ZNF224: variants seen among roughly 807,000 people sequenced by gnomAD.
ZNF224 encodes bone marrow zinc finger 2.
Under a neutral mutation model 10.5 loss-of-function variants are expected in ZNF224, and 8 were observed. The observed-to-expected ratio is 0.76, with a 90% CI of 0.45 to 1.37. The LOEUF (loss-of-function observed/expected upper bound fraction) is 1.37, where lower values mean the gene tolerates loss of function less well. Ranked by LOEUF, ZNF224 falls within the 40% of genes most tolerant of loss-of-function variation. ZNF224 has a pLI of 0.00. For missense variants in ZNF224, 754 were observed against 854.0 expected, an observed-to-expected ratio of 0.88 and a Z score of 1.46; for synonymous variants, 282 against 287.8, an observed-to-expected ratio of 0.98 and a Z score of 0.20.
chr19:44,102,566 T>A (rs2147528244), intron 5 of ZNF224, among the ~76,000 whole-genome samples: 1 of 152,342 alleles, frequency 6.6e-6, no homozygotes, highest in African/African-American at 2.4e-5. Context: ...GAACATGTTT[T>A]TTGTCTTCCA....
intron 1 of ZNF224, chr19:44,095,739 T>G (rs985747492): frequency 6.6e-6 from 1 of 152,056 alleles, no homozygotes; most frequent in Admixed American, 6.6e-5. Flanking sequence ...GCCAACATGG[T>G]GAAACCGCAT....
At position 44,107,092 on chromosome 19, in the gene ZNF224, C is replaced by T. The variant is rs140681283; in HGVS notation, c.932C>T (p.Thr311Met). 70 of 1,601,666 alleles carry T rather than the reference C, an allele frequency of 4.4e-5. No homozygotes were observed. The highest frequency in any genetic ancestry group is 4.1e-4 in the African/African-American group (31 of 74,738). ...SRLNRHSMVH[T>M]AEKPFRCDTC... ...CTTAATAGGCATTCCATGGTTCACA[C>T]GGCAGAGAAACCATTCCGATGTGAT... The change falls in exon 6 of 6, where the codon ACG becomes ATG. Residue 311 changes from threonine (T) to methionine (M), a missense_variant. Physicochemically the swap from Thr to Met is moderately conservative, Grantham distance 81. Transcript: ENST00000693561.
chr19:44,106,435 C>T lies in ZNF224; in HGVS notation c.275C>T (p.Ala92Val), dbSNP rs1967662042. 1 of 1,614,146 alleles carries T rather than the reference C, an allele frequency of 6.2e-7. No homozygotes were observed. The highest frequency in any genetic ancestry group is 8.5e-7 in the Non-Finnish European group (1 of 1,180,018). Residue 92 changes from alanine (A) to valine (V), a missense_variant, in exon 6 of 6, where the codon GCA becomes GTA. Physicochemically the swap from Ala to Val is moderately conservative, Grantham distance 64 (BLOSUM62 0). Transcript: ENST00000693561. ...ACTGAGATGGAGACTGTTTCAGAAG[C>T]AGGAACACATCAAGAGTGGTCCTTC... ...IQTEMETVSE[A>V]GTHQEWSFQQ...
chr19:44,097,950 T>C (rs1967474576), intron 3 of ZNF224, 62 bp downstream of exon 3: 2 of 1,588,830 alleles, frequency 1.3e-6, no homozygotes, highest in Non-Finnish European at 1.7e-6. Context: ...TTGTCACAAG[T>C]TTTCCTCTGT....
chr19:44,099,823 T>G (rs943682525), intron 3 of ZNF224, among the ~76,000 whole-genome samples: 19 of 150,324 alleles, frequency 1.3e-4, no homozygotes, highest in Middle Eastern at 6.8e-3. Context: ...TGAAGTTAGG[T>G]AAAAAAAAAA....
chr19:44,107,627 T>G lies in ZNF224; in HGVS notation c.1467T>G (p.Cys489Trp). Residue 489 changes from cysteine (C) to tryptophan (W), a missense_variant, in exon 6 of 6, where the codon TGT (cysteine) becomes TGG (tryptophan). Coordinates refer to ENST00000693561, the MANE Select transcript of ZNF224 (RefSeq NM_001321645.3). ...SGEKPFQCEE[C>W]GKRFTQNSHL... ...AAAAACCATTCCAATGTGAAGAGTGTGGGAAGAGATTTACTCAAAATTCAC... is the reference window on the plus strand; with the variant it reads ...AAAAACCATTCCAATGTGAAGAGTGGGGGAAGAGATTTACTCAAAATTCAC... The G allele has an allele frequency of 6.2e-7, 1 of 1,613,936 alleles. No homozygotes were observed. Among genetic ancestry groups the G allele is most frequent in the Non-Finnish European group, 8.5e-7 (1 of 1,179,930 alleles).
chr19:44,097,670 G>C, intron 2 of ZNF224, 136 bp from the exon 3 acceptor site: 1 of 541,510 alleles, frequency 1.8e-6, no homozygotes. Flanking sequence ...CATTTTGGTT[G>C]TGCCGTTTTG....
chr19:44,107,315 G>C lies in ZNF224; in HGVS notation c.1155G>C (p.Ser385=). The C allele has an allele frequency of 1.3e-6, 2 of 1,584,592 alleles. No individual in the cohort carries two copies. The highest frequency in any genetic ancestry group is 1.7e-6 in the Non-Finnish European group (2 of 1,166,890). ...GTGGGAAGAGCTTCAGATGGGCCTC[G>C]TGTCTTTTGAAACATCAGCGAGTCC... The part of the protein sequence containing the change: ...KECGKSFRWA[S]CLLKHQRVHS... The change falls in exon 6 of 6, where the codon TCG becomes TCC. Residue 385 remains serine, a synonymous_variant. Transcript: ENST00000693561.
chr19:44,102,757 G>T (rs542301907), intron 5 of ZNF224, among the ~76,000 whole-genome samples: 57 of 152,298 alleles, frequency 3.7e-4, no homozygotes, highest in African/African-American at 1.3e-3. Context: ...TTTCTGGAAA[G>T]AAATCATTTT....
intron 3 of ZNF224, 89 bp from the exon 4 acceptor site, chr19:44,100,712 C>A: frequency 6.8e-7 from 1 of 1,473,400 alleles, no homozygotes; most frequent in Non-Finnish European, 9.1e-7. Flanking sequence ...AAAACAACTT[C>A]CCACCCCTCC....
Position 44,109,714 on chromosome 19 carries a change from A to G in ZNF224, c.*1430A>G, listed in dbSNP as rs1239074074. On this transcript the variant is annotated 3_prime_UTR_variant, in exon 6 of 6. Transcript: ENST00000693561. ...TTGTGTGAATTGCATTTATTCCTAT[A>G]ATAATATGAACTCAATGAGATGATG... 1 of 152,240 alleles carries G rather than the reference A, an allele frequency of 6.6e-6. No individual in the cohort carries two copies. Among genetic ancestry groups the G allele is most frequent in the Non-Finnish European group, 1.5e-5 (1 of 68,044 alleles). 9.4% of individuals were successfully genotyped at this position (152,240 alleles called of 1,614,324 possible). A position where few individuals can be genotyped will look rare whatever the true frequency, so the allele number is the denominator to read the frequency against.
chr19:44,108,441 C>G lies in ZNF224; in HGVS notation c.*157C>G, dbSNP rs1967753465. The G allele has an allele frequency of 6.1e-6, 5 of 820,464 alleles. No homozygotes were observed. Among genetic ancestry groups the G allele is most frequent in the African/African-American group, 3.4e-5 (2 of 58,062 alleles). The allele number at this position is 820,464 out of a possible 1,614,324, so 50.8% of individuals were successfully genotyped here. A position where few individuals can be genotyped will look rare whatever the true frequency, so the allele number is the denominator to read the frequency against. On this transcript the variant is annotated 3_prime_UTR_variant, in exon 6 of 6. Coordinates refer to ENST00000693561, the MANE Select transcript of ZNF224 (RefSeq NM_001321645.3). The stretch of plus-strand genomic sequence containing the variant: ...ATCCATGCTGGTGATAAATTTCACC[C>G]ATTCTTGGAAGAGGGAAAACATTTG...
Position 44,104,623 on chromosome 19 carries a change from G to A in ZNF224, c.236-1773G>A, listed in dbSNP as rs142765288. Among the ~76,000 whole-genome samples, 526 of 152,058 alleles carry A rather than the reference G, an allele frequency of 3.5e-3. 4 individuals carry two copies. The highest frequency in any genetic ancestry group is 0.011 in the African/African-American group (463 of 41,506). Reference sequence around the variant, plus strand: ...TAAATTCCCAGAATTAAGGTGTGACGTAGAGGGTACAGCGAATCAGGGAAG... The same window carrying A: ...TAAATTCCCAGAATTAAGGTGTGACATAGAGGGTACAGCGAATCAGGGAAG... On this transcript the variant is annotated intron_variant, in intron 5 of 5. Coordinates refer to ENST00000693561, the MANE Select transcript of ZNF224 (RefSeq NM_001321645.3).
At chr19:44,096,289 C>T (rs1409494192) in intron 1 of ZNF224, 54 bp from the exon 2 acceptor site, 1 of 151,934 alleles carries the variant, frequency 6.6e-6, no homozygotes, top group Non-Finnish European at 1.5e-5. Context: ...TACTCTTTAC[C>T]CACGTTTGCC....
In ZNF224 at chr19:44,106,874, G is replaced by C; in HGVS notation, c.714G>C (p.Gly238=). The C allele has an allele frequency of 6.2e-7, 1 of 1,612,230 alleles. No individual in the cohort carries two copies. Among genetic ancestry groups the C allele is most frequent in the South Asian group, 1.1e-5 (1 of 90,888 alleles). Reference sequence around the variant, plus strand: ...AACCGTTCAAATGTGTGGAATGTGGGAAAGGCTTCAGTCGTAGATCAGCAC... The same window carrying C: ...AACCGTTCAAATGTGTGGAATGTGGCAAAGGCTTCAGTCGTAGATCAGCAC... ...GEKPFKCVEC[G]KGFSRRSALN... The change falls in exon 6 of 6, where the codon GGG becomes GGC. Residue 238 remains glycine, a synonymous_variant. Transcript: ENST00000693561.
At chr19:44,095,210 A>G (rs1967413938) in intron 1 of ZNF224, 2 of 220,850 alleles carry the variant, frequency 9.1e-6, no homozygotes, top group Non-Finnish European at 2.0e-5. Flanking sequence ...CCGAGAGTGT[A>G]TAGGTTGTGT....
chr19:44,098,494 A>G (rs1447358698), intron 3 of ZNF224, among the ~76,000 whole-genome samples: 1 of 151,996 alleles, frequency 6.6e-6, no homozygotes, highest in African/African-American at 2.4e-5. Context: ...TCTTTCCCCC[A>G]TGCCTGAGTC....
At chr19:44,106,333 A>C (rs1967658431) in intron 5 of ZNF224, 63 bp from the exon 6 acceptor site, 1 of 1,561,648 alleles carries the variant, frequency 6.4e-7, no homozygotes, top group Admixed American at 1.7e-5. Context: ...GCCTAAGTGA[A>C]ATCTTGATAA....
rs1252410055 is a variant in ZNF224 at position 44,106,728 on chromosome 19, G to A, written c.568G>A (p.Ala190Thr). Reference protein sequence around the residue: ...ECGKNFCYISALRIHQRVHMG... With the variant: ...ECGKNFCYISTLRIHQRVHMG... ...TGGAAAGAACTTTTGTTACATCTCA[G>A]CCCTTCGTATTCATCAGAGAGTCCA... is the stretch of plus-strand genomic sequence containing the variant. Residue 190 changes from alanine to threonine, a missense_variant, in exon 6 of 6, where the codon GCC becomes ACC. Physicochemically the swap from Ala to Thr is moderately conservative, Grantham distance 58 (BLOSUM62 0). Transcript: ENST00000693561. 6.2e-7 allele frequency: 1 copy of A among 1,609,584 alleles called. No homozygotes were observed.
Sources: allele counts gnomAD v4.1 joint callset (sites outside exome capture counted in the v4.1 genomes callset), GRCh38; gene constraint gnomAD v4.1.1; transcripts MANE v1.5; gene names NCBI Gene and HGNC (gene_info 2026-07-23, HGNC 2026-07-21).